The following NKAIN3 variants were observed in gnomAD, a reference collection of about 807,000 sequenced individuals.
The protein encoded by NKAIN3 is sodium/potassium-transporting ATPase subunit beta-1-interacting protein 3.
Under a neutral mutation model 30.2 loss-of-function variants are expected in NKAIN3, and 25 were observed. The observed-to-expected ratio is 0.83, with a 90% CI of 0.60 to 1.16. The LOEUF is 1.16. NKAIN3 is among the 50% of genes most tolerant of loss of function. The pLI is 0.00. For missense variants in NKAIN3, 225 were observed against 254.1 expected (o/e 0.89, Z 0.78); for synonymous variants, 91 against 89.6 (o/e 1.02, Z -0.09).
intron 4 of NKAIN3, among the ~76,000 whole-genome samples, chr8:62,767,385 G>T (rs964509304): frequency 5.3e-5 from 8 of 152,116 alleles, no homozygotes; most frequent in Non-Finnish European, 1.0e-4. Context: ...ACCTGAAGAG[G>T]CTGGTGACCA....
intron 3 of NKAIN3, among the ~76,000 whole-genome samples, chr8:62,670,180 G>A (rs1044354745): frequency 2.0e-5 from 3 of 152,138 alleles, no homozygotes; most frequent in South Asian, 4.2e-4. Flanking sequence ...TCTTGCTCAC[G>A]GATTAAAGAA....
chr8:62,560,926 ATTC>A (rs930751247), intron 1 of NKAIN3, among the ~76,000 whole-genome samples: 1 of 151,868 alleles, frequency 6.6e-6, no homozygotes, highest in Admixed American at 6.6e-5. Flanking sequence ...ACAATTTTTT[ATTC>A]TTCTTTATAT....
intron 1 of NKAIN3, among the ~76,000 whole-genome samples, chr8:62,395,498 G>A (rs577783407): frequency 3.9e-5 from 6 of 152,240 alleles, no homozygotes; most frequent in Admixed American, 6.5e-5. Flanking sequence ...ATTGAGAATC[G>A]TCCCATTGTA....
intron 1 of NKAIN3, among the ~76,000 whole-genome samples, chr8:62,261,622 A>G (rs1366446000): frequency 1.3e-5 from 2 of 152,204 alleles, no homozygotes; most frequent in Non-Finnish European, 2.9e-5. Flanking sequence ...TGACACCCAC[A>G]TCTGGTTCTT....
chr8:62,455,572 G>T (rs1326376373), intron 1 of NKAIN3, among the ~76,000 whole-genome samples: 2 of 152,164 alleles, frequency 1.3e-5, no homozygotes, highest in Non-Finnish European at 2.9e-5. Flanking sequence ...TGAGTACTAT[G>T]CTCACTACCT....
intron 4 of NKAIN3, among the ~76,000 whole-genome samples, chr8:62,783,713 C>A (rs1817428774): frequency 6.7e-6 from 1 of 150,038 alleles, no homozygotes; most frequent in Non-Finnish European, 1.5e-5. Flanking sequence ...TGGGCTCAAG[C>A]AATCCTCTGG....
chr8:62,488,303 C>T (rs1806962067), intron 1 of NKAIN3, among the ~76,000 whole-genome samples: 2 of 152,086 alleles, frequency 1.3e-5, no homozygotes, highest in African/African-American at 4.8e-5. Context: ...ACATAGTGTT[C>T]TATGTGTTTT....
At chr8:62,366,131 G>T (rs922192151) in intron 1 of NKAIN3, among the ~76,000 whole-genome samples, 2 of 151,556 alleles carry the variant, frequency 1.3e-5, no homozygotes, top group Admixed American at 6.6e-5. Flanking sequence ...GTCTCAGTAG[G>T]TTGTATGTTT....
intron 3 of NKAIN3, among the ~76,000 whole-genome samples, chr8:62,703,449 A>T (rs1004762566): frequency 1.3e-5 from 2 of 152,030 alleles, no homozygotes; most frequent in Admixed American, 6.6e-5. Context: ...CAAATTGCCT[A>T]AAAAAAACTC....
intron 4 of NKAIN3, among the ~76,000 whole-genome samples, chr8:62,845,663 A>C (rs1026893566): frequency 2.0e-5 from 3 of 152,158 alleles, no homozygotes; most frequent in Non-Finnish European, 2.9e-5. Flanking sequence ...ACATTCACAT[A>C]ATAGGCCATA....
At chr8:62,597,201 G>T (rs1810860732) in intron 3 of NKAIN3, among the ~76,000 whole-genome samples, 1 of 152,022 alleles carries the variant, frequency 6.6e-6, no homozygotes, top group Non-Finnish European at 1.5e-5. Flanking sequence ...TTTCTTCTGT[G>T]ACATATAAAG....
intron 4 of NKAIN3, among the ~76,000 whole-genome samples, chr8:62,795,338 A>G (rs1182775525): frequency 1.3e-5 from 2 of 152,202 alleles, no homozygotes; most frequent in African/African-American, 2.4e-5. Flanking sequence ...GAGGTTAGTG[A>G]AAAGAAAAAT....
chr8:62,823,928 C>G (rs1020312452), intron 4 of NKAIN3, among the ~76,000 whole-genome samples: 1 of 152,156 alleles, frequency 6.6e-6, no homozygotes, highest in Non-Finnish European at 1.5e-5. Flanking sequence ...AAGTTTCATA[C>G]AAGAAATTTA....
chr8:62,433,265 T>A (rs974531376), intron 1 of NKAIN3, among the ~76,000 whole-genome samples: 13 of 152,118 alleles, frequency 8.5e-5, no homozygotes, highest in Non-Finnish European at 1.8e-4. Context: ...CTTACTAAGT[T>A]TATTACCTCA....
intron 3 of NKAIN3, among the ~76,000 whole-genome samples, chr8:62,731,273 A>ACACC (rs1554571732): frequency 7.8e-6 from 1 of 127,512 alleles, no homozygotes; most frequent in African/African-American, 2.9e-5. Context: ...ACACACACAC[A>ACACC]CCCTTCCTTC....
intron 3 of NKAIN3, among the ~76,000 whole-genome samples, chr8:62,650,511 G>T (rs1812590450): frequency 6.6e-6 from 1 of 152,156 alleles, no homozygotes; most frequent in Admixed American, 6.5e-5. Flanking sequence ...AGTATTAGTT[G>T]TGTATGCTTC....
intron 1 of NKAIN3, among the ~76,000 whole-genome samples, chr8:62,296,020 G>A (rs1451258792): frequency 6.6e-6 from 1 of 152,176 alleles, no homozygotes; most frequent in Non-Finnish European, 1.5e-5. Flanking sequence ...TGACCTGTAA[G>A]ACTGTATTGA....
Position 62,345,666 on chromosome 8 carries a change from T to TATATAC in NKAIN3, c.54+96540_54+96541insTATACA, listed in dbSNP as rs1204193019. Among the ~76,000 whole-genome samples, 591 of 150,392 alleles carry TATATAC rather than the reference T, an allele frequency of 3.9e-3. 9 individuals are homozygous for TATATAC. The highest frequency in any genetic ancestry group is 0.014 in the African/African-American group (569 of 40,698). On this transcript the variant is annotated intron_variant, in intron 1 of 6. Transcript: ENST00000623646. ...ATATATACACATATATACATATGTATACCTGGAATATATATACCAGACTAT... is the reference window on the plus strand; with the variant it reads ...ATATATACACATATATACATATGTATATATACACCTGGAATATATATACCAGACTAT...
chr8:62,888,064 G>T (rs1821198831), intron 4 of NKAIN3, among the ~76,000 whole-genome samples: 1 of 152,174 alleles, frequency 6.6e-6, no homozygotes, highest in African/African-American at 2.4e-5. Flanking sequence ...TTGCGATTAA[G>T]TCTCAGTTTT....
Sources: allele counts gnomAD v4.1 joint callset (sites outside exome capture counted in the v4.1 genomes callset), GRCh38; gene constraint gnomAD v4.1.1; transcripts MANE v1.5; gene names NCBI Gene and HGNC (gene_info 2026-07-23, HGNC 2026-07-21).